Variants in SPTB observed in about 807,000 individuals in gnomAD.
The protein encoded by SPTB is spectrin beta, erythrocytic, also known as spectrin beta chain, erythrocytic.
In SPTB, 45 loss-of-function variants were observed where a neutral mutation model predicts 256.2. The ratio of observed to expected loss-of-function variants is 0.18; its 90% CI spans 0.14 to 0.23. The LOEUF is 0.23. Among genes scored for constraint, SPTB ranks in the 10% least tolerant of loss-of-function variants. The probability of loss-of-function intolerance (pLI) is 1.00; values close to 1 mark genes in which losing one functional copy is unlikely to be tolerated. For missense variants in SPTB, 2,715 were observed against 3,040.4 expected (o/e 0.89, Z 2.52); for synonymous variants, 1,231 against 1,243.1 (o/e 0.99, Z 0.21).
In SPTB at chr14:64,773,324, G is replaced by A. The variant is rs370845888; in HGVS notation, c.5074C>T (p.Leu1692=). ...TCGGTCTCCCGCTTGAGCTGGAACA[G>A]GTGGTACATGTTCTCCAGCTTGCGC... ...RKRKLENMYH[L]FQLKRETDDL... The change falls in exon 25 of 36, where the codon CTG becomes TTG. Residue 1692 remains leucine (L), a synonymous_variant. Coordinates refer to ENST00000644917, the MANE Select transcript of SPTB (RefSeq NM_001355436.2). 20 of 1,614,088 alleles carry A rather than the reference G, an allele frequency of 1.2e-5. No homozygotes were observed. Among genetic ancestry groups the A allele is most frequent in the Non-Finnish European group, 1.5e-5 (18 of 1,180,050 alleles).
In SPTB at chr14:64,853,163, C is replaced by T. The variant is rs1029452590; in HGVS notation, c.-52+26629G>A. Reference sequence around the variant, plus strand: ...AAGTCCTGGACATCCCATGGGATATCTGGGTGGAAATGCTTAACCTGAGGC... The same window carrying T: ...AAGTCCTGGACATCCCATGGGATATTTGGGTGGAAATGCTTAACCTGAGGC... On this transcript the variant is annotated intron_variant, in intron 1 of 35. Coordinates refer to ENST00000644917, the MANE Select transcript of SPTB (RefSeq NM_001355436.2). The surrounding 1 kb of genome is among the most constrained non-coding windows in gnomAD (Gnocchi z 4.3). 6.6e-6 allele frequency among the ~76,000 whole-genome samples: 1 copy of T among 152,146 alleles called. No homozygotes were observed. The highest frequency in any genetic ancestry group is 1.5e-5 in the Non-Finnish European group (1 of 68,032).
chr14:64,822,405 G>GAGAGAGAGGGTGGGGGTGGAGAAT (rs1566787081), intron 2 of SPTB, among the ~76,000 whole-genome samples: 31 of 10,296 alleles, frequency 3.0e-3, no homozygotes, highest in African/African-American at 9.0e-3. Flanking sequence ...CACACACAGA[G>GAGAGAGAGGGTGGGGGTGGAGAAT]AGATCTATTA....
chr14:64,846,088 A>G (rs1334397159), intron 1 of SPTB, among the ~76,000 whole-genome samples: 1 of 152,360 alleles, frequency 6.6e-6, no homozygotes, highest in Admixed American at 6.5e-5. Context: ...GATCAGGATG[A>G]AAGCAGAGAA....
chr14:64,753,405 A>G, intron 33 of SPTB, 132 bp downstream of exon 33: 2 of 1,386,728 alleles, frequency 1.4e-6, no homozygotes, highest in South Asian at 1.3e-5. Context: ...AGGGGTGTCT[A>G]GGAGCTCTCA....
rs776324083 is a variant in SPTB at position 64,772,805 on chromosome 14, G to A, written c.5328C>T (p.Asn1776=). The change falls in exon 26 of 36, where the codon AAC becomes AAT. Residue 1776 remains asparagine, a synonymous_variant. Coordinates refer to ENST00000644917, the MANE Select transcript of SPTB (RefSeq NM_001355436.2). This position sits in a 1 kb window ranked among gnomAD's most constrained non-coding sequence, Gnocchi z 5.4. ...ATIAEWKDGL[N]EMWADLLELI... is the part of the protein sequence containing the mutation. ...GCTCCAGGAGGTCTGCCCACATCTC[G>A]TTCAGCCCGTCCTTCCACTCGGCGA... The A allele has an allele frequency of 1.4e-5, 22 of 1,613,838 alleles. No individual in the cohort carries two copies. The highest frequency in any genetic ancestry group is 5.0e-5 in the Admixed American group (3 of 60,014).
chr14:64,766,938 G>T, intron 31 of SPTB, 137 bp from the exon 32 acceptor site: 1 of 1,163,572 alleles, frequency 8.6e-7, no homozygotes, highest in Non-Finnish European at 1.3e-6. Context: ...CAGCCTGGAT[G>T]GTGCTTGGCA....
chr14:64,800,017 C>T, intron 8 of SPTB, 83 bp from the exon 9 acceptor site: 4 of 1,537,588 alleles, frequency 2.6e-6, no homozygotes, highest in Non-Finnish European at 3.6e-6. Context: ...AATCAAGGTG[C>T]CACGAAATGG....
chr14:64,846,736 T>A (rs2083699783), intron 1 of SPTB, among the ~76,000 whole-genome samples: 1 of 152,248 alleles, frequency 6.6e-6, no homozygotes, highest in Non-Finnish European at 1.5e-5. Flanking sequence ...CTGGATCATA[T>A]ACATTCATGT....
At chr14:64,797,634 G>A in intron 10 of SPTB, 95 bp downstream of exon 10, 1 of 1,014,756 alleles carries the variant, frequency 9.9e-7, no homozygotes, top group Non-Finnish European at 1.6e-6. Context: ...CAAAGAAAGT[G>A]GCTTGGTTTA....
At chr14:64,768,493 G>C (rs1244937199) in intron 29 of SPTB, among the ~76,000 whole-genome samples, 1 of 156 alleles carries the variant, frequency 6.4e-3, no homozygotes, top group African/African-American at 0.024. Context: ...AGTGGCCAGG[G>C]GCACCAGTTG....
At chr14:64,757,712 G>C (rs1210936205) in intron 32 of SPTB, among the ~76,000 whole-genome samples, 3 of 152,316 alleles carry the variant, frequency 2.0e-5, no homozygotes, top group African/African-American at 7.2e-5. Context: ...GAGGGGGAAG[G>C]GGCTTTGGGG....
At chr14:64,818,347 G>A (rs756014761) in intron 2 of SPTB, among the ~76,000 whole-genome samples, 6 of 152,348 alleles carry the variant, frequency 3.9e-5, no homozygotes, top group East Asian at 1.9e-4. Flanking sequence ...AACACGCAGC[G>A]GGCGGCACAT....
intron 29 of SPTB, chr14:64,768,262 A>C: frequency 3.5e-6 from 1 of 286,042 alleles, no homozygotes. Context: ...CTGGTCTCAA[A>C]CTCTTGAGCT....
chr14:64,775,138 T>C lies in SPTB; in HGVS notation c.4829A>G (p.Asp1610Gly). Residue 1610 changes from aspartate to glycine, a missense_variant, in exon 23 of 36, where the codon GAT (aspartate) becomes GGT (glycine). Around this residue, in one of 4 missense-constraint regions of SPTB, gnomAD observed 2,239 missense variants for 2,384.4 expected, o/e 0.94. Transcript: ENST00000644917. This position sits in a 1 kb window ranked among gnomAD's most constrained non-coding sequence, Gnocchi z 5.0. Reference sequence around the variant, plus strand: ...GCCCGAACAGACCTTGGGGATCTCATCGGAGATGACGTAGAGCTCCTGCTC... The same window carrying C: ...GCCCGAACAGACCTTGGGGATCTCACCGGAGATGACGTAGAGCTCCTGCTC... ...IGEQELYVIS[D>G]EIPKDEEGAI... 6.2e-7 allele frequency: 1 copy of C among 1,613,948 alleles called. No homozygotes were observed. Among genetic ancestry groups the C allele is most frequent in the Non-Finnish European group, 8.5e-7 (1 of 1,180,036 alleles).
At position 64,796,584 on chromosome 14, in the gene SPTB, G is replaced by A. The variant is rs201153236; in HGVS notation, c.1314C>T (p.Leu438=). 30 of 1,614,202 alleles carry A rather than the reference G, an allele frequency of 1.9e-5. No homozygotes were observed. In the African/African-American group the frequency reaches 3.5e-4, roughly 19 times the overall value. ...DRKAAMRETW[L]SENQRLVAQD... is the part of the protein sequence containing the mutation. Reference sequence around the variant, plus strand: ...GGGCCACGAGGCGCTGGTTTTCACTGAGCCAGGTCTCTCTCATTGCGGCCT... The same window carrying A: ...GGGCCACGAGGCGCTGGTTTTCACTAAGCCAGGTCTCTCTCATTGCGGCCT... The change falls in exon 11 of 36, where the codon CTC becomes CTT. Residue 438 remains leucine, a synonymous_variant. Transcript: ENST00000644917. This position sits in a 1 kb window ranked among gnomAD's most constrained non-coding sequence, Gnocchi z 4.1.
chr14:64,763,141 C>T (rs2082118301), intron 32 of SPTB, among the ~76,000 whole-genome samples: 1 of 152,226 alleles, frequency 6.6e-6, no homozygotes, highest in Non-Finnish European at 1.5e-5. Flanking sequence ...CAGGAGAAAA[C>T]AGCCTCTCAC....
chr14:64,753,726 C>T lies in SPTB; in HGVS notation c.6413G>A (p.Gly2138Glu), dbSNP rs1176863768. The T allele has an allele frequency of 1.9e-6, 3 of 1,613,812 alleles. No individual in the cohort carries two copies. The highest frequency in any genetic ancestry group is 1.7e-5 in the Admixed American group (1 of 60,024). The change falls in exon 33 of 36, where the codon GGG becomes GAG. Residue 2138 changes from glycine (G) to glutamate (E), a missense_variant. Gly to Glu is a moderately conservative substitution (Grantham distance 98, BLOSUM62 -2). Around this residue, in one of 4 missense-constraint regions of SPTB, gnomAD observed 2,239 missense variants for 2,384.4 expected, o/e 0.94. Coordinates refer to ENST00000644917, the MANE Select transcript of SPTB (RefSeq NM_001355436.2). ...QPPPPGQHKDGQKSTGDERPT... is the reference protein window; with the variant it reads ...QPPPPGQHKDEQKSTGDERPT... Reference sequence around the variant, plus strand: ...CCTCTCATCCCCAGTGGATTTCTGCCCATCCTTGTGCTGACCCGGCGGTGG... The same window carrying T: ...CCTCTCATCCCCAGTGGATTTCTGCTCATCCTTGTGCTGACCCGGCGGTGG...
chr14:64,763,154 C>T (rs2082118493), intron 32 of SPTB, among the ~76,000 whole-genome samples: 2 of 152,228 alleles, frequency 1.3e-5, no homozygotes, highest in African/African-American at 4.8e-5. Context: ...CCTCTCACCA[C>T]ACATTACACT....
At position 64,795,702 on chromosome 14, in the gene SPTB, A is replaced by C; in HGVS notation, c.1342-63T>G. On this transcript the variant is annotated intron_variant, in intron 11 of 35. Transcript: ENST00000644917. This position sits in a 1 kb window ranked among gnomAD's most constrained non-coding sequence, Gnocchi z 6.5. ...CACCCAGGGGCTCATCCCCAAACTC[A>C]GGGACAGGGCAGCTCCCTTCAGAAC... 5.8e-6 allele frequency: 9 copies of C among 1,559,712 alleles called. No individual in the cohort carries two copies. The highest frequency in any genetic ancestry group is 7.1e-6 in the Non-Finnish European group (8 of 1,134,394).
Sources: gnomAD v4.1 joint callset for allele counts (sites outside exome capture counted in the v4.1 genomes callset) on GRCh38, gnomAD v4.1.1 for gene constraint, gnomAD v4.1.1 regional missense constraint, Gnocchi (gnomAD v3.1) non-coding constraint, MANE v1.5 for transcripts, NCBI Gene and HGNC (gene_info 2026-07-23, HGNC 2026-07-21) for gene names.